FLI1: variants seen among roughly 807,000 people sequenced by gnomAD.
The protein encoded by FLI1 is Friend leukemia integration 1 transcription factor.
In FLI1, 13 loss-of-function variants were observed where a neutral mutation model predicts 53.1. The observed-to-expected ratio is 0.24, with a 90% CI of 0.16 to 0.39. The LOEUF is 0.39. Among genes scored for constraint, FLI1 ranks in the 10% least tolerant of loss-of-function variants. The probability of loss-of-function intolerance (pLI) is 1.00; values close to 1 mark genes in which losing one functional copy is unlikely to be tolerated. For missense variants in FLI1, 424 were observed against 600.5 expected, an observed-to-expected ratio of 0.71 and a Z score of 3.07; for synonymous variants, 244 against 236.7, an observed-to-expected ratio of 1.03 and a Z score of -0.28.
chr11:128,760,968 A>G (rs1358482011), intron 2 of FLI1, among the ~76,000 whole-genome samples: 2 of 152,070 alleles, frequency 1.3e-5, no homozygotes, highest in African/African-American at 4.8e-5. Context: ...GCCTTCCTGA[A>G]GTCTATTCTC....
intron 2 of FLI1, among the ~76,000 whole-genome samples, chr11:128,763,666 C>T (rs1293110502): frequency 6.6e-6 from 1 of 152,200 alleles, no homozygotes; most frequent in Admixed American, 6.5e-5. Flanking sequence ...TTCCCTGGAA[C>T]TTGTGCCTCT....
chr11:128,718,119 C>T (rs1398057564), intron 1 of FLI1, among the ~76,000 whole-genome samples: 1 of 152,272 alleles, frequency 6.6e-6, no homozygotes, highest in African/African-American at 2.4e-5. Context: ...GCAAGACTAA[C>T]TGAGCCACTA....
chr11:128,714,592 T>C (rs1938925358), intron 1 of FLI1, among the ~76,000 whole-genome samples: 1 of 152,176 alleles, frequency 6.6e-6, no homozygotes, highest in African/African-American at 2.4e-5. Flanking sequence ...ACCTCATTAT[T>C]ACTTTAAACA....
intron 4 of FLI1, among the ~76,000 whole-genome samples, chr11:128,778,919 A>G (rs1941827093): frequency 6.6e-6 from 1 of 152,136 alleles, no homozygotes; most frequent in African/African-American, 2.4e-5. Context: ...TAGAAATCGG[A>G]GAAGAGGAGG....
intron 5 of FLI1, among the ~76,000 whole-genome samples, chr11:128,782,730 A>C (rs763409465): frequency 1.3e-5 from 2 of 152,320 alleles, no homozygotes; most frequent in Non-Finnish European, 2.9e-5. Flanking sequence ...ATTCATTTTT[A>C]AAGTGGTGGC....
chr11:128,697,589 A>G (rs906369256), intron 1 of FLI1, among the ~76,000 whole-genome samples: 2 of 152,224 alleles, frequency 1.3e-5, no homozygotes, highest in East Asian at 3.8e-4. Flanking sequence ...TATCTAGAAA[A>G]TGGGGCCAAA....
upstream of FLI1, among the ~76,000 whole-genome samples, chr11:128,690,307 G>T (rs532841398): frequency 6.6e-6 from 1 of 152,184 alleles, no homozygotes; most frequent in African/African-American, 2.4e-5. Flanking sequence ...AGAGGGGCAT[G>T]GGAGGGGAGG....
At chr11:128,691,714 AT>A (rs1937745799), upstream of FLI1, 1 of 152,434 alleles carries the variant, frequency 6.6e-6, no homozygotes, top group Non-Finnish European at 1.5e-5. Context: ...CTAGTTCCAT[AT>A]TGAATAATTC....
At chr11:128,713,298 AG>A (rs1301926203) in intron 1 of FLI1, among the ~76,000 whole-genome samples, 1 of 152,276 alleles carries the variant, frequency 6.6e-6, no homozygotes, top group African/African-American at 2.4e-5. Flanking sequence ...ATTTATCAAT[AG>A]TTTGACAGTT....
chr11:128,737,878 T>G (rs577064533), intron 1 of FLI1, among the ~76,000 whole-genome samples: 1 of 152,318 alleles, frequency 6.6e-6, no homozygotes, highest in South Asian at 2.1e-4. Context: ...CTGTCAGAAG[T>G]AGGATTGCTT....
At position 128,706,445 on chromosome 11, in the gene FLI1, G is replaced by A. The variant is rs890930189; in HGVS notation, c.18+12169G>A. ...TGTTAAGAAAGTTGCTTGTTTCTCTGTCATATCTCCCAAAGTACCTATCAC... is the reference window on the plus strand; with the variant it reads ...TGTTAAGAAAGTTGCTTGTTTCTCTATCATATCTCCCAAAGTACCTATCAC... On this transcript the variant is annotated intron_variant, in intron 1 of 8. Transcript: ENST00000527786. 5.3e-5 allele frequency among the ~76,000 whole-genome samples: 8 copies of A among 152,168 alleles called. 1 individual carries two copies. The highest frequency in any genetic ancestry group is 1.9e-4 in the African/African-American group (8 of 41,414).
chr11:128,744,152 G>C (rs1386305068), intron 1 of FLI1, among the ~76,000 whole-genome samples: 1 of 152,220 alleles, frequency 6.6e-6, no homozygotes, highest in African/African-American at 2.4e-5. Context: ...CATGAACACT[G>C]AGTTATCTGA....
chr11:128,692,162 A>T (rs991256671), upstream of FLI1: 1 of 152,162 alleles, frequency 6.6e-6, no homozygotes, highest in African/African-American at 2.4e-5. Context: ...GATGTAATTC[A>T]TTCTTCCTTT....
At chr11:128,723,266 C>A (rs1451488933) in intron 1 of FLI1, among the ~76,000 whole-genome samples, 1 of 152,066 alleles carries the variant, frequency 6.6e-6, no homozygotes, top group Non-Finnish European at 1.5e-5. Flanking sequence ...AAGAGAGGAG[C>A]AAGTGGGGGC....
intron 2 of FLI1, among the ~76,000 whole-genome samples, chr11:128,766,856 G>T (rs1941360255): frequency 6.6e-6 from 1 of 152,052 alleles, no homozygotes; most frequent in Non-Finnish European, 1.5e-5. Context: ...GAACTCCTTG[G>T]TCTGAAGGCC....
rs1368798915 is a variant in FLI1, at chr11:128,756,404, T to A, written c.19-1711T>A. On this transcript the variant is annotated intron_variant, in intron 1 of 8. Coordinates refer to ENST00000527786, the MANE Select transcript of FLI1 (RefSeq NM_002017.5). ...CTTCTTATAAGAACACCAGTCATAT[T>A]GGATTAGAACCCACCCTATCAGCCT... Among the ~76,000 whole-genome samples the A allele has an allele frequency of 2.0e-5, 3 of 152,160 alleles. No homozygotes were observed. In the East Asian group the frequency reaches 5.8e-4, roughly 29 times the overall value.
intron 1 of FLI1, among the ~76,000 whole-genome samples, chr11:128,716,715 G>A (rs1435006287): frequency 6.6e-6 from 1 of 152,120 alleles, no homozygotes; most frequent in African/African-American, 2.4e-5. Context: ...CTGGAGCTCT[G>A]GGCATCTCAG....
chr11:128,795,030 T>C (rs1251920155), intron 5 of FLI1, among the ~76,000 whole-genome samples: 1 of 152,208 alleles, frequency 6.6e-6, no homozygotes, highest in East Asian at 1.9e-4. Context: ...GAGCCAACAT[T>C]GCGCCACTTC....
At chr11:128,802,851 A>G (rs1003102568) in intron 5 of FLI1, among the ~76,000 whole-genome samples, 5 of 152,216 alleles carry the variant, frequency 3.3e-5, no homozygotes, top group Non-Finnish European at 7.3e-5. Context: ...GAATTCCATC[A>G]TGCATTCAGA....
Sources: allele counts gnomAD v4.1 joint callset (sites outside exome capture counted in the v4.1 genomes callset), GRCh38; gene constraint gnomAD v4.1.1; transcripts MANE v1.5; gene names NCBI Gene and HGNC (gene_info 2026-07-23, HGNC 2026-07-21).